Variants in CHD6 observed in about 807,000 individuals in gnomAD.
The protein encoded by CHD6 is ATP-dependent chromatin remodeler CHD6.
In CHD6, 50 loss-of-function variants were observed where a neutral mutation model predicts 276.9. The observed-to-expected ratio is 0.18, with a 90% CI of 0.14 to 0.23. The LOEUF is 0.23. Among genes scored for constraint, CHD6 ranks in the 10% least tolerant of loss-of-function variants. The pLI is 1.00. For synonymous variants in CHD6, 1,173 were observed against 1,229.3 expected (o/e 0.95, Z 0.96); for missense variants, 2,564 against 3,365.8 (o/e 0.76, Z 5.89).
chr20:41,597,324 T>G (rs1353354541), intron 1 of CHD6, among the ~76,000 whole-genome samples: 3 of 152,202 alleles, frequency 2.0e-5, no homozygotes, highest in Non-Finnish European at 2.9e-5. Flanking sequence ...AAATGTTTTA[T>G]GGGTTGCCTT....
Position 41,487,804 on chromosome 20 carries a change from T to C in CHD6, c.1862A>G (p.His621Arg). The C allele has an allele frequency of 6.2e-7, 1 of 1,608,696 alleles. No homozygotes were observed. The highest frequency in any genetic ancestry group is 1.7e-5 in the Admixed American group (1 of 58,214). ...LEGLKLMALE[H>R]KVLLTGTPLQ... ...GGGTGTTCCAGTGAGAAGCACTTTA[T>C]GTTCCTGCGCAAATTAAACATACAT... Residue 621 changes from histidine to arginine, a missense_variant, in exon 14 of 37, where the codon CAT (histidine) becomes CGT (arginine). Coordinates refer to ENST00000373233, the MANE Select transcript of CHD6 (RefSeq NM_032221.5).
In CHD6 at chr20:41,473,404, G is replaced by A. The variant is rs1274369410; in HGVS notation, c.2582C>T (p.Ala861Val). Residue 861 changes from alanine to valine, a missense_variant, in exon 17 of 37, where the codon GCG becomes GTG. Coordinates refer to ENST00000373233, the MANE Select transcript of CHD6 (RefSeq NM_032221.5). This position sits in a 1 kb window ranked among gnomAD's most constrained non-coding sequence, Gnocchi z 4.1. ...DRFVFLLCTR[A>V]GGLGINLTAA... ...TGTGAGATTGATCCCCAGGCCTCCCGCTCTGGTGCACAGAAGAAAGACAAA... is the reference window on the plus strand; with the variant it reads ...TGTGAGATTGATCCCCAGGCCTCCCACTCTGGTGCACAGAAGAAAGACAAA... 1 of 1,614,066 alleles carries A rather than the reference G, an allele frequency of 6.2e-7. No homozygotes were observed. The highest frequency in any genetic ancestry group is 8.5e-7 in the Non-Finnish European group (1 of 1,179,998).
Position 41,421,596 on chromosome 20 carries a change from T to C in CHD6, c.5039A>G (p.Glu1680Gly). Residue 1680 changes from glutamate (E) to glycine (G), a missense_variant, in exon 31 of 37, where the codon GAA (glutamate) becomes GGA (glycine). Transcript: ENST00000373233. ...DHLSLPDVTC[E>G]NFISKVQDVI... ...ATCCTGAACTTTAGAAATAAAGTTT[T>C]CACATGTCACATCAGGCAGGCTGAG... 6.2e-7 allele frequency: 1 copy of C among 1,613,928 alleles called. No individual in the cohort carries two copies. Among genetic ancestry groups the C allele is most frequent in the Non-Finnish European group, 8.5e-7 (1 of 1,179,956 alleles).
intron 1 of CHD6, among the ~76,000 whole-genome samples, chr20:41,566,646 C>T (rs1292697880): frequency 6.6e-6 from 1 of 152,190 alleles, no homozygotes; most frequent in Non-Finnish European, 1.5e-5. Flanking sequence ...AAGTCAATCA[C>T]ATCCTCCCAT....
rs575393016 is a variant in CHD6 at position 41,561,406 on chromosome 20, C to T, written c.-23-10046G>A. ...CACTAACTTCTCCTAAAATGCTCCTCTAAAACCTTGAAACTCCTTTCAATC... is the reference window on the plus strand; with the variant it reads ...CACTAACTTCTCCTAAAATGCTCCTTTAAAACCTTGAAACTCCTTTCAATC... On this transcript the variant is annotated intron_variant, in intron 1 of 36. Coordinates refer to ENST00000373233, the MANE Select transcript of CHD6 (RefSeq NM_032221.5). Among the ~76,000 whole-genome samples the T allele has an allele frequency of 7.9e-5, 12 of 152,332 alleles. No homozygotes were observed. In the East Asian group the frequency reaches 2.3e-3, roughly 29 times the overall value.
chr20:41,611,552 T>C (rs2045887169), intron 1 of CHD6, among the ~76,000 whole-genome samples: 1 of 152,160 alleles, frequency 6.6e-6, no homozygotes, highest in African/African-American at 2.4e-5. Context: ...CAGCATAGCT[T>C]GTTAAAACAC....
At chr20:41,575,613 C>A (rs1173122526) in intron 1 of CHD6, among the ~76,000 whole-genome samples, 1 of 152,082 alleles carries the variant, frequency 6.6e-6, no homozygotes, top group African/African-American at 2.4e-5. Flanking sequence ...TGGAACCGAC[C>A]CCAACAGAAA....
At chr20:41,559,389 T>C (rs1315631455) in intron 1 of CHD6, among the ~76,000 whole-genome samples, 1 of 152,190 alleles carries the variant, frequency 6.6e-6, no homozygotes, top group Middle Eastern at 3.2e-3. Context: ...ACAAATCCTC[T>C]ACACACCTGA....
chr20:41,589,446 C>T (rs1294969053), intron 1 of CHD6, among the ~76,000 whole-genome samples: 4 of 152,140 alleles, frequency 2.6e-5, no homozygotes, highest in South Asian at 2.1e-4. Flanking sequence ...TTGCAGATGA[C>T]GTGATTGTAT....
At chr20:41,531,710 T>C (rs941868437) in intron 3 of CHD6, among the ~76,000 whole-genome samples, 1 of 152,204 alleles carries the variant, frequency 6.6e-6, no homozygotes, top group Admixed American at 6.5e-5. Context: ...GGAGTGAACA[T>C]TATGAGGCAA....
At chr20:41,477,531 A>G (rs1199106722) in intron 16 of CHD6, among the ~76,000 whole-genome samples, 1 of 152,194 alleles carries the variant, frequency 6.6e-6, no homozygotes, top group East Asian at 1.9e-4. Flanking sequence ...AAAAAATCAA[A>G]TAATCCAGTT....
intron 3 of CHD6, among the ~76,000 whole-genome samples, chr20:41,528,857 T>C (rs1487927009): frequency 6.6e-6 from 1 of 152,220 alleles, no homozygotes; most frequent in Non-Finnish European, 1.5e-5. Flanking sequence ...AATCTGCTTG[T>C]TGCCTCTCAA....
intron 34 of CHD6, chr20:41,413,861 C>T (rs1220313020): frequency 3.3e-5 from 6 of 184,174 alleles, no homozygotes; most frequent in African/African-American, 9.4e-5. Context: ...CCACAGCACT[C>T]GGTTCCTAGC....
chr20:41,468,165 A>G (rs1433469516), intron 17 of CHD6, among the ~76,000 whole-genome samples: 1 of 148,382 alleles, frequency 6.7e-6, no homozygotes, highest in Non-Finnish European at 1.5e-5. Flanking sequence ...GCTGGAGTGC[A>G]ATGGCATGAT....
intron 3 of CHD6, among the ~76,000 whole-genome samples, chr20:41,530,327 A>G (rs1029266732): frequency 1.5e-4 from 23 of 152,216 alleles, no homozygotes; most frequent in Admixed American, 1.4e-3. Flanking sequence ...CTTCAGAAAG[A>G]CTAGCCAGGT....
chr20:41,446,051 T>G (rs748781953), intron 24 of CHD6, among the ~76,000 whole-genome samples: 7 of 152,198 alleles, frequency 4.6e-5, no homozygotes, highest in Non-Finnish European at 8.8e-5. Flanking sequence ...GGGTGGCATC[T>G]TGGGATCCAT....
At chr20:41,582,033 C>T (rs1251918621) in intron 1 of CHD6, among the ~76,000 whole-genome samples, 1 of 152,172 alleles carries the variant, frequency 6.6e-6, no homozygotes, top group Admixed American at 6.5e-5. Flanking sequence ...TCACAGTTGA[C>T]TGTGGAAACA....
At chr20:41,562,641 G>C (rs2045313880) in intron 1 of CHD6, among the ~76,000 whole-genome samples, 1 of 152,052 alleles carries the variant, frequency 6.6e-6, no homozygotes. Context: ...GTAAATTTCT[G>C]ATGTTCTCTA....
chr20:41,462,030 A>T (rs1262681431), intron 17 of CHD6: 1 of 152,212 alleles, frequency 6.6e-6, no homozygotes. Context: ...GAAAACTTAC[A>T]GACAACAATC....
Sources: allele counts gnomAD v4.1 joint callset (sites outside exome capture counted in the v4.1 genomes callset), GRCh38; gene constraint gnomAD v4.1.1; non-coding constraint Gnocchi (gnomAD v3.1); transcripts MANE v1.5; gene names NCBI Gene and HGNC (gene_info 2026-07-23, HGNC 2026-07-21).